The following POU2AF3 variants were observed in gnomAD, a reference collection of about 807,000 sequenced individuals.
POU2AF3 encodes POU class 2 homeobox associating factor 3.
At chr11:111,298,955 C>A in the POU2AF3 span, 1 of 1,024,044 alleles carries the variant, frequency 9.8e-7, no homozygotes, top group African/African-American at 1.7e-5. Flanking sequence ...CAGAGCGCAC[C>A]GACTGCACTG....
chr11:111,306,017 A>G, the POU2AF3 span, among the ~76,000 whole-genome samples: 1 of 152,186 alleles, frequency 6.6e-6, no homozygotes, highest in African/African-American at 2.4e-5. Context: ...AGCCTCAACA[A>G]CTTTGTCAGT....
chr11:111,308,213 G>A, the POU2AF3 span: 2 of 1,551,774 alleles, frequency 1.3e-6, no homozygotes, highest in Non-Finnish European at 8.7e-7. Flanking sequence ...CCCCCCAGAA[G>A]ACCATTCCTA....
the POU2AF3 span, chr11:111,308,303 G>A: frequency 1.3e-6 from 2 of 1,551,730 alleles, no homozygotes; most frequent in African/African-American, 2.7e-5. Context: ...ATCGTGTGAG[G>A]CAGAGGACTT....
the POU2AF3 span, chr11:111,299,351 T>A: frequency 1.0e-6 from 1 of 990,004 alleles, no homozygotes; most frequent in African/African-American, 1.7e-5. Flanking sequence ...AGGGTAGTGG[T>A]CAGGGCCGGA....
the POU2AF3 span, chr11:111,307,948 T>G: frequency 2.2e-6 from 2 of 914,566 alleles, no homozygotes; most frequent in Non-Finnish European, 3.1e-6. Flanking sequence ...GGGTGTTGTT[T>G]CGTTTGATTT....
the POU2AF3 span, chr11:111,308,181 T>C: frequency 6.4e-7 from 1 of 1,551,786 alleles, no homozygotes; most frequent in Non-Finnish European, 8.7e-7. Flanking sequence ...CCTGCTTCTC[T>C]GGACACCAGA....
chr11:111,298,843 C>CCCCAAAAAAAAA, the POU2AF3 span: 1 of 1,187,164 alleles, frequency 8.4e-7, no homozygotes, highest in Non-Finnish European at 1.0e-6. Context: ...CCCGCCCTCC[C>CCCCAAAAAAAAA]ACGTATCCAC....
chr11:111,300,097 G>A, the POU2AF3 span: 1 of 387,462 alleles, frequency 2.6e-6, no homozygotes, highest in Non-Finnish European at 4.6e-6. Context: ...GCCATAATCA[G>A]AGAAAGCCCC....
the POU2AF3 span, among the ~76,000 whole-genome samples, chr11:111,302,742 C>T: frequency 7.9e-5 from 12 of 152,290 alleles, no homozygotes; most frequent in South Asian, 2.3e-3. Context: ...AGCCTATGCC[C>T]TCGCAAGCAA....
chr11:111,306,514 A>G, the POU2AF3 span: 13 of 1,545,526 alleles, frequency 8.4e-6, no homozygotes, highest in Non-Finnish European at 1.1e-5. Flanking sequence ...TTTGATTCCT[A>G]CCTTCAGACA....
At chr11:111,308,349 G>C in the POU2AF3 span, 1 of 1,551,716 alleles carries the variant, frequency 6.4e-7, no homozygotes, top group Non-Finnish European at 8.7e-7. Flanking sequence ...TTCTACCCGA[G>C]CACAGACTGT....
the POU2AF3 span, chr11:111,300,619 A>T: frequency 8.1e-7 from 1 of 1,229,336 alleles, no homozygotes. Flanking sequence ...CTCCGGGGGA[A>T]CCGTAAGCAT....
chr11:111,303,666 T>C, the POU2AF3 span, among the ~76,000 whole-genome samples: 1 of 152,168 alleles, frequency 6.6e-6, no homozygotes, highest in Non-Finnish European at 1.5e-5. Context: ...AAAGAGCTGG[T>C]AAAGGATTCC....
At chr11:111,302,002 A>G in the POU2AF3 span, among the ~76,000 whole-genome samples, 1 of 152,204 alleles carries the variant, frequency 6.6e-6, no homozygotes, top group Admixed American at 6.5e-5. Flanking sequence ...AATTTCAGGT[A>G]ACGCATTAAC....
the POU2AF3 span, chr11:111,305,008 C>T: frequency 3.3e-6 from 4 of 1,217,268 alleles, no homozygotes; most frequent in African/African-American, 4.7e-5. Context: ...ATTAACAGTT[C>T]CCTCAAACAC....
At chr11:111,302,765 C>T in the POU2AF3 span, among the ~76,000 whole-genome samples, 3 of 152,144 alleles carry the variant, frequency 2.0e-5, no homozygotes, top group Non-Finnish European at 2.9e-5. Flanking sequence ...AGGTTTAACA[C>T]GCATATAATT....
the POU2AF3 span, among the ~76,000 whole-genome samples, chr11:111,304,080 C>T: frequency 6.6e-6 from 1 of 151,972 alleles, no homozygotes; most frequent in African/African-American, 2.4e-5. Context: ...GGAATAATTC[C>T]CGACCATTAA....
At chr11:111,303,002 T>C in the POU2AF3 span, among the ~76,000 whole-genome samples, 4 of 152,210 alleles carry the variant, frequency 2.6e-5, no homozygotes, top group East Asian at 7.7e-4. Context: ...GAGGGTTAAT[T>C]ATATCAAATA....
chr11:111,306,021 T>C, the POU2AF3 span, among the ~76,000 whole-genome samples: 1 of 152,246 alleles, frequency 6.6e-6, no homozygotes, highest in Non-Finnish European at 1.5e-5. Flanking sequence ...TCAACAACTT[T>C]GTCAGTTACT....
Sources: gnomAD v4.1 joint callset for allele counts (sites outside exome capture counted in the v4.1 genomes callset) on GRCh38, gnomAD v4.1.1 for gene constraint, MANE v1.5 for transcripts, NCBI Gene and HGNC (gene_info 2026-07-23, HGNC 2026-07-21) for gene names.